SLC5A10: variants seen among roughly 807,000 people sequenced by gnomAD.
SLC5A10 encodes sodium/mannose cotransporter SLC5A10.
A neutral mutation model predicts 68.9 loss-of-function variants in SLC5A10; 55 were observed. The observed-to-expected ratio is 0.80, with a 90% CI of 0.64 to 1.00. The LOEUF (loss-of-function observed/expected upper bound fraction) is 1.00. Among genes scored for constraint, SLC5A10 ranks in the 50% least tolerant of loss-of-function variants. The pLI, the probability that SLC5A10 is intolerant of heterozygous loss-of-function variation, is 0.00. For missense variants in SLC5A10, 732 were observed against 819.3 expected, an observed-to-expected ratio of 0.89 and a Z score of 1.30; for synonymous variants, 344 against 344.8, an observed-to-expected ratio of 1.00 and a Z score of 0.02.
rs1567810641 is a variant in SLC5A10 at position 19,008,817 on chromosome 17, T to TA, written c.983-4593_983-4592insA. Among the ~76,000 whole-genome samples the TA allele has an allele frequency of 3.9e-3, 561 of 143,570 alleles. 4 individuals are homozygous for TA. The highest frequency in any genetic ancestry group is 0.013 in the African/African-American group (497 of 38,380). 94.2% of individuals were successfully genotyped at this position (143,570 alleles called of 152,430 possible). On this transcript the variant is annotated intron_variant, in intron 9 of 14. Coordinates refer to ENST00000395645, the MANE Select transcript of SLC5A10 (RefSeq NM_001042450.4). ...CCTGGCATTATTATTATTATTATTT[T>TA]TTTTTTTTTTTTTGAGATAGCGTCT...
chr17:18,979,886 G>A (rs981710540), intron 9 of SLC5A10, among the ~76,000 whole-genome samples: 4 of 152,162 alleles, frequency 2.6e-5, no homozygotes, highest in African/African-American at 4.8e-5. Context: ...GCTACAGAGC[G>A]GGCAGGCACT....
At chr17:18,978,888 C>A (rs1467852593) in intron 9 of SLC5A10, 1 of 1,601,728 alleles carries the variant, frequency 6.2e-7, no homozygotes, top group Middle Eastern at 1.7e-4. Context: ...AGGCACATGA[C>A]CCTGCTTCCT....
chr17:19,001,384 G>A (rs2043725954), intron 9 of SLC5A10, among the ~76,000 whole-genome samples: 1 of 152,184 alleles, frequency 6.6e-6, no homozygotes, highest in Non-Finnish European at 1.5e-5. Context: ...CCCCACTGTG[G>A]GACCCTTGAG....
In SLC5A10 at chr17:19,019,702, C is replaced by T; in HGVS notation, c.1411-11C>T. Reference sequence around the variant, plus strand: ...CCGTAGCCCCACATGCCCTGCCTCCCTCCTCCCCAGGGGGCCTTCTGGGGC... The same window carrying T: ...CCGTAGCCCCACATGCCCTGCCTCCTTCCTCCCCAGGGGGCCTTCTGGGGC... On this transcript the variant is annotated splice_polypyrimidine_tract_variant and intron_variant, in intron 12 of 14. Coordinates refer to ENST00000395645, the MANE Select transcript of SLC5A10 (RefSeq NM_001042450.4). 1 of 1,607,594 alleles carries T rather than the reference C, an allele frequency of 6.2e-7. No homozygotes were observed.
At position 18,964,864 on chromosome 17, in the gene SLC5A10, C is replaced by G. The variant is rs372082528; in HGVS notation, c.454-4188C>G. On this transcript the variant is annotated intron_variant, in intron 5 of 14. Coordinates refer to ENST00000395645, the MANE Select transcript of SLC5A10 (RefSeq NM_001042450.4). ...GAATGGTAGAAATGCAGAACCTGAC[C>G]GGGTGCAGTGGCTCACACCTGTAAT... Among the ~76,000 whole-genome samples, 3 of 152,250 alleles carry G rather than the reference C, an allele frequency of 2.0e-5. No individual in the cohort carries two copies. In the South Asian group the frequency reaches 6.2e-4, roughly 32 times the overall value.
chr17:18,959,240 G>A lies in SLC5A10; in HGVS notation c.288+1G>A. ...GGCCGTGGCAGGCTTCGAGTGGAAT[G>A]TGAGTCCTGGAGGACTGGCGGCCTG... is the stretch of plus-strand genomic sequence containing the variant. On this transcript the variant is annotated splice_donor_variant, in intron 3 of 14. Coordinates refer to ENST00000395645, the MANE Select transcript of SLC5A10 (RefSeq NM_001042450.4). LOFTEE classifies it high-confidence loss of function. The A allele has an allele frequency of 6.2e-7, 1 of 1,612,956 alleles. No homozygotes were observed.
intron 9 of SLC5A10, among the ~76,000 whole-genome samples, chr17:18,986,651 G>A (rs1330669609): frequency 6.6e-6 from 1 of 152,236 alleles, no homozygotes. Context: ...GCTGAGAAGG[G>A]GCCTGGGTGG....
chr17:19,005,681 G>T (rs2043867449), intron 9 of SLC5A10, among the ~76,000 whole-genome samples: 1 of 149,384 alleles, frequency 6.7e-6, no homozygotes, highest in Non-Finnish European at 1.5e-5. Context: ...CACCATTCAT[G>T]GCCCATCAGG....
At chr17:18,966,749 CAAAA>C (rs34809691) in intron 5 of SLC5A10, among the ~76,000 whole-genome samples, 1 of 97,632 alleles carries the variant, frequency 1.0e-5, no homozygotes. Flanking sequence ...GACTCCGTCT[CAAAA>C]AAAAAAAAAA....
At position 18,987,442 on chromosome 17, in the gene SLC5A10, A is replaced by G. The variant is rs141359735; in HGVS notation, c.982+10453A>G. Among the ~76,000 whole-genome samples the G allele has an allele frequency of 2.8e-4, 42 of 152,342 alleles. No individual in the cohort carries two copies. In the East Asian group the frequency reaches 7.9e-3, roughly 29 times the overall value. ...TCATCACGCACGCTCATCTGCTCTC[A>G]GGGAAATGCTCTGCACGCAGCAGGT... On this transcript the variant is annotated intron_variant, in intron 9 of 14. Transcript: ENST00000395645.
chr17:19,019,412 C>T lies in SLC5A10; in HGVS notation c.1242-11C>T. On this transcript the variant is annotated splice_polypyrimidine_tract_variant and intron_variant, in intron 11 of 14. Transcript: ENST00000395645. ...CACGACGACCGCTGCCTGCCTTCCA[C>T]TCGCCTGCAGGCTGGTCATAGTGGC... 6.2e-7 allele frequency: 1 copy of T among 1,605,060 alleles called. No homozygotes were observed. Among genetic ancestry groups the T allele is most frequent in the Non-Finnish European group, 8.5e-7 (1 of 1,177,126 alleles).
chr17:18,977,244 T>C (rs2043003300), intron 9 of SLC5A10: 2 of 596,436 alleles, frequency 3.4e-6, no homozygotes, highest in Admixed American at 3.1e-5. Context: ...TGCCCCGCCT[T>C]TTCCTCATCT....
chr17:18,997,585 A>G (rs1459782212), intron 9 of SLC5A10, among the ~76,000 whole-genome samples: 2 of 152,254 alleles, frequency 1.3e-5, no homozygotes, highest in Admixed American at 6.5e-5. Context: ...GGGGCCATCA[A>G]GCATCCTAAT....
rs748345540 is a variant in SLC5A10 at position 19,015,178 on chromosome 17, G to A, written c.1220G>A (p.Arg407Gln). 9.4e-6 allele frequency: 15 copies of A among 1,598,208 alleles called. No homozygotes were observed. Among genetic ancestry groups the A allele is most frequent in the Admixed American group, 5.0e-5 (3 of 59,736 alleles). The change falls in exon 11 of 15, where the codon CGG becomes CAG. Residue 407 changes from arginine to glutamine, a missense_variant. By Grantham distance (43) the Arg-to-Gln change is conservative. Transcript: ENST00000395645. ...WRRLRPRSGERELLLVGRLVI... is the reference protein window; with the variant it reads ...WRRLRPRSGEQELLLVGRLVI... The stretch of plus-strand genomic sequence containing the variant: ...CGGCTGCGTCCCCGCTCCGGCGAGC[G>A]GGAGCTCCTGCTGGTGGGACGGTAC...
At chr17:18,997,244 A>G (rs1259451982) in intron 9 of SLC5A10, among the ~76,000 whole-genome samples, 1 of 152,148 alleles carries the variant, frequency 6.6e-6, no homozygotes, top group Non-Finnish European at 1.5e-5. Flanking sequence ...TGAGTCTCCT[A>G]CCTCCCCCAG....
In SLC5A10 at chr17:19,021,242, C is replaced by G. The variant is rs2044261049; in HGVS notation, c.*811C>G. 1 of 152,346 alleles carries G rather than the reference C, an allele frequency of 6.6e-6. No homozygotes were observed. Among genetic ancestry groups the G allele is most frequent in the African/African-American group, 2.4e-5 (1 of 41,474 alleles). 9.4% of individuals were successfully genotyped at this position (152,346 alleles called of 1,614,324 possible). A position where few individuals can be genotyped will look rare whatever the true frequency, so the allele number is the denominator to read the frequency against. On this transcript the variant is annotated 3_prime_UTR_variant, in exon 15 of 15. Transcript: ENST00000395645. This position sits in a 1 kb window ranked among gnomAD's most constrained non-coding sequence, Gnocchi z 4.1. ...CTAAACAAACAAGAGCCAGGGCAGC[C>G]AGGGTCTCTGCGTGGCTGGGCCCAG... is the stretch of plus-strand genomic sequence containing the variant.
At chr17:18,983,927 C>A (rs1025156549) in intron 9 of SLC5A10, among the ~76,000 whole-genome samples, 3 of 152,226 alleles carry the variant, frequency 2.0e-5, no homozygotes, top group African/African-American at 7.2e-5. Flanking sequence ...TGTGTGGGAC[C>A]TGTCCCCGGC....
intron 9 of SLC5A10, among the ~76,000 whole-genome samples, chr17:18,989,728 G>A (rs1450178643): frequency 3.3e-5 from 5 of 152,238 alleles, no homozygotes; most frequent in Admixed American, 3.3e-4. Flanking sequence ...CATTTACAGG[G>A]GGTCTTGTCA....
chr17:18,951,447 C>T (rs1301719121), upstream of SLC5A10, among the ~76,000 whole-genome samples: 4 of 151,270 alleles, frequency 2.6e-5, no homozygotes, highest in Non-Finnish European at 5.9e-5. Flanking sequence ...GGAACAGCCA[C>T]GCATGGTCCG....
Sources: gnomAD v4.1 joint callset for allele counts (sites outside exome capture counted in the v4.1 genomes callset) on GRCh38, gnomAD v4.1.1 for gene constraint, Gnocchi (gnomAD v3.1) non-coding constraint, MANE v1.5 for transcripts, NCBI Gene and HGNC (gene_info 2026-07-23, HGNC 2026-07-21) for gene names.